The following JAK1 variants were observed in gnomAD, a reference collection of about 807,000 sequenced individuals.
The protein encoded by JAK1 is Janus kinase 1.
Under a neutral mutation model 136.6 loss-of-function variants are expected in JAK1, and 16 were observed. The ratio of observed to expected loss-of-function variants is 0.12; its 90% confidence interval spans 0.08 to 0.18. The LOEUF (loss-of-function observed/expected upper bound fraction) is 0.18. JAK1 is among the 10% of genes least tolerant of loss of function. The pLI, the probability that JAK1 is intolerant of heterozygous loss-of-function variation, is 1.00. For missense variants in JAK1, 859 were observed against 1,450.1 expected, an observed-to-expected ratio of 0.59 and a Z score of 6.62; for synonymous variants, 492 against 519.5, an observed-to-expected ratio of 0.95 and a Z score of 0.72.
At chr1:64,943,243 T>C (rs997377715) in intron 1 of JAK1, among the ~76,000 whole-genome samples, 1 of 152,304 alleles carries the variant, frequency 6.6e-6, no homozygotes, top group African/African-American at 2.4e-5. Context: ...TTGATACCTA[T>C]TACCTCATCA....
At chr1:64,944,221 C>CAA (rs771660692) in intron 1 of JAK1, among the ~76,000 whole-genome samples, 1,135 of 62,326 alleles carry the variant, frequency 0.018, 40 homozygotes, top group African/African-American at 0.049. Context: ...GACTCTGTCT[C>CAA]AAAAAAAAAA....
intron 1 of JAK1, among the ~76,000 whole-genome samples, chr1:64,954,374 T>C (rs1196598945): frequency 6.6e-6 from 1 of 152,144 alleles, no homozygotes; most frequent in Non-Finnish European, 1.5e-5. Context: ...TAATAAATAG[T>C]CTCATGCCCG....
At chr1:64,969,634 C>T (rs1453813093), upstream of JAK1, among the ~76,000 whole-genome samples, 1 of 152,096 alleles carries the variant, frequency 6.6e-6, no homozygotes, top group East Asian at 1.9e-4. Context: ...GGGAAGGATA[C>T]TGAGGAAGAT....
intron 1 of JAK1, among the ~76,000 whole-genome samples, chr1:65,049,493 C>T (rs75680548): frequency 1.1e-3 from 160 of 152,226 alleles, no homozygotes; most frequent in African/African-American, 3.6e-3. Flanking sequence ...CACTTCTTCA[C>T]GAACTTCAAA....
chr1:64,895,902 T>C (rs1645006688), intron 1 of JAK1, among the ~76,000 whole-genome samples: 1 of 152,248 alleles, frequency 6.6e-6, no homozygotes, highest in African/African-American at 2.4e-5. Flanking sequence ...TCAAAATCCA[T>C]TCTGTGTACC....
intron 1 of JAK1, among the ~76,000 whole-genome samples, chr1:64,891,996 A>G (rs1014776063): frequency 2.0e-5 from 3 of 152,292 alleles, no homozygotes; most frequent in East Asian, 1.9e-4. Context: ...AGTGAGAGAC[A>G]GTTTTTGATA....
chr1:65,067,147 G>A (rs1488808340), intron 1 of JAK1, among the ~76,000 whole-genome samples: 2 of 151,200 alleles, frequency 1.3e-5, no homozygotes, highest in African/African-American at 4.9e-5. Flanking sequence ...GCCCGGCCCG[G>A]CCCGCCCCGC....
chr1:65,041,622 T>C (rs1258454741), intron 2 of JAK1, among the ~76,000 whole-genome samples: 1 of 152,164 alleles, frequency 6.6e-6, no homozygotes, highest in Non-Finnish European at 1.5e-5. Flanking sequence ...ACAGGAACCA[T>C]GGGGCGCTAG....
Position 64,833,250 on chromosome 1 carries a change from T to G in JAK1, c.*1312A>C. On this transcript the variant is annotated 3_prime_UTR_variant, in exon 25 of 25. Transcript: ENST00000342505. ...CATGTAAAGTCTTTAGTATATTTAT[T>G]TGTATAAAGAGTAAACAAAGTGCAT... The G allele has an allele frequency of 4.4e-6, 1 of 227,546 alleles. No homozygotes were observed. Among genetic ancestry groups the G allele is most frequent in the Non-Finnish European group, 8.8e-6 (1 of 114,168 alleles). The allele number at this position is 227,546 out of a possible 1,614,324, so 14.1% of individuals were successfully genotyped here.
intron 3 of JAK1, among the ~76,000 whole-genome samples, chr1:64,880,788 G>A (rs1365022378): frequency 6.6e-6 from 1 of 151,948 alleles, no homozygotes; most frequent in Admixed American, 6.6e-5. Context: ...GGCCAACATG[G>A]TGAAACCCCA....
chr1:64,930,854 T>C (rs1338780218), intron 1 of JAK1, among the ~76,000 whole-genome samples: 2 of 152,138 alleles, frequency 1.3e-5, no homozygotes, highest in African/African-American at 4.8e-5. Flanking sequence ...TGCAGGGACA[T>C]GGATGAAGCT....
rs143038101 is a variant in JAK1 at position 64,856,954 on chromosome 1, T to C, written c.1458+702A>G. Among the ~76,000 whole-genome samples, 727 of 152,348 alleles carry C rather than the reference T, an allele frequency of 4.8e-3. 2 individuals are homozygous for C. The highest frequency in any genetic ancestry group is 0.017 in the Middle Eastern group (5 of 294). On this transcript the variant is annotated intron_variant, in intron 10 of 24. Transcript: ENST00000342505. ...ACCAGTACTGATTAAAGTGTACTGA[T>C]GTAAAGTGTTTTGTAAAACTCACTG...
chr1:65,002,254 C>G (rs1646765662), intron 2 of JAK1: 1 of 152,192 alleles, frequency 6.6e-6, no homozygotes, highest in Admixed American at 6.5e-5. Flanking sequence ...TGAGTGAGCC[C>G]CAGCCAGAAG....
intron 7 of JAK1, 77 bp downstream of exon 7, chr1:64,866,789 T>C: frequency 9.5e-7 from 1 of 1,051,840 alleles, no homozygotes; most frequent in South Asian, 1.5e-5. Context: ...TGCAGACAGA[T>C]GACTCCAGAA....
chr1:65,009,816 C>G (rs1031904397), intron 2 of JAK1, among the ~76,000 whole-genome samples: 1 of 152,172 alleles, frequency 6.6e-6, no homozygotes, highest in Non-Finnish European at 1.5e-5. Context: ...AGTGGCAGAG[C>G]TGGGATTCTG....
At chr1:65,038,564 C>A (rs1309054999) in intron 2 of JAK1, among the ~76,000 whole-genome samples, 1 of 152,060 alleles carries the variant, frequency 6.6e-6, no homozygotes, top group Non-Finnish European at 1.5e-5. Flanking sequence ...TTGCACTGGG[C>A]CCCACAAATT....
chr1:65,011,122 GCAGTGTGT>G (rs1646845241), intron 2 of JAK1, among the ~76,000 whole-genome samples: 1 of 152,106 alleles, frequency 6.6e-6, no homozygotes, highest in South Asian at 2.1e-4. Context: ...TTGCCTGGGG[GCAGTGTGT>G]GGAGGGTGGG....
At chr1:64,966,610 C>T (rs1294767157), upstream of JAK1, 1 of 122,770 alleles carries the variant, frequency 8.1e-6, no homozygotes, top group Non-Finnish European at 1.7e-5. Flanking sequence ...GGCCGCCGGG[C>T]CCACCCCCTC....
At chr1:65,036,952 TGA>T (rs780232026) in intron 2 of JAK1, among the ~76,000 whole-genome samples, 1 of 152,170 alleles carries the variant, frequency 6.6e-6, no homozygotes, top group Non-Finnish European at 1.5e-5. Context: ...TTTGAGAGGC[TGA>T]GTCAGGTGGA....
Sources: gnomAD v4.1 joint callset for allele counts (sites outside exome capture counted in the v4.1 genomes callset) on GRCh38, gnomAD v4.1.1 for gene constraint, MANE v1.5 for transcripts, NCBI Gene and HGNC (gene_info 2026-07-23, HGNC 2026-07-21) for gene names.